The following CDKL2 variants were observed in gnomAD, a reference collection of about 807,000 sequenced individuals.
CDKL2 encodes cyclin dependent kinase like 2.
In CDKL2, 64 loss-of-function variants were observed where a neutral mutation model predicts 63.9. The ratio of observed to expected loss-of-function variants is 1.00; its 90% CI spans 0.82 to 1.23. The LOEUF (loss-of-function observed/expected upper bound fraction) is 1.23, where lower values mean the gene tolerates loss of function less well. Among genes scored for constraint, CDKL2 ranks in the 50% most tolerant of loss-of-function variants. The pLI is 0.00. For missense variants in CDKL2, 656 were observed against 668.0 expected, an observed-to-expected ratio of 0.98 and a Z score of 0.20; for synonymous variants, 211 against 229.2, an observed-to-expected ratio of 0.92 and a Z score of 0.72.
intron 11 of CDKL2, 81 bp downstream of exon 11, chr4:75,592,065 A>G: frequency 7.2e-7 from 1 of 1,390,230 alleles, no homozygotes. Context: ...GTTAGTATGA[A>G]TTTTTATTTT....
Position 75,597,205 on chromosome 4 carries a change from T to G in CDKL2, c.1052A>C (p.Tyr351Ser). The G allele has an allele frequency of 6.2e-7, 1 of 1,608,330 alleles. No individual in the cohort carries two copies. The highest frequency in any genetic ancestry group is 8.5e-7 in the Non-Finnish European group (1 of 1,175,524). ...TGAGCCTTTTATTTTAAATAGTTTATAATCCTTAATTTTGGGATCAGCATT... is the reference window on the plus strand; with the variant it reads ...TGAGCCTTTTATTTTAAATAGTTTAGAATCCTTAATTTTGGGATCAGCATT... ...DTNADPKIKD[Y>S]KLFKIKGSKI... The change falls in exon 9 of 14, where the codon TAT becomes TCT. Residue 351 changes from tyrosine to serine, a missense_variant. Tyr to Ser is a moderately radical substitution (Grantham distance 144, BLOSUM62 -2). Coordinates refer to ENST00000307465, the MANE Select transcript of CDKL2 (RefSeq NM_001330724.2).
At chr4:75,608,382 C>T (rs1388294408) in intron 3 of CDKL2, among the ~76,000 whole-genome samples, 16 of 151,940 alleles carry the variant, frequency 1.1e-4, no homozygotes, top group Non-Finnish European at 2.4e-4. Flanking sequence ...GCCTCGGCCT[C>T]CCAAAGTGCT....
rs35252668 is a variant in CDKL2 at position 75,620,938 on chromosome 4, A to AT, written c.168+4882dup. Among the ~76,000 whole-genome samples the AT allele has an allele frequency of 1.8e-4, 26 of 142,864 alleles. No homozygotes were observed. In the South Asian group the frequency reaches 2.7e-3, roughly 15 times the overall value. 93.7% of individuals were successfully genotyped at this position (142,864 alleles called of 152,430 possible). A position where few individuals can be genotyped will look rare whatever the true frequency, so the allele number is the denominator to read the frequency against. Reference sequence around the variant, plus strand: ...TGTGAAGCAACAATTATAGCTGAGCATTTTTTTTTTTTTTTGAGATGGAGT... The same window carrying AT: ...TGTGAAGCAACAATTATAGCTGAGCATTTTTTTTTTTTTTTTGAGATGGAGT... On this transcript the variant is annotated intron_variant, in intron 2 of 13. Transcript: ENST00000307465.
At chr4:75,616,276 C>A (rs1729921774) in intron 2 of CDKL2, among the ~76,000 whole-genome samples, 1 of 151,852 alleles carries the variant, frequency 6.6e-6, no homozygotes, top group Admixed American at 6.6e-5. Flanking sequence ...TGCATTCCAG[C>A]CTGGGTGGGG....
intron 3 of CDKL2, among the ~76,000 whole-genome samples, chr4:75,608,186 G>A (rs1729513847): frequency 1.4e-5 from 2 of 143,884 alleles, no homozygotes; most frequent in Admixed American, 1.4e-4. Context: ...GTGCAATGGC[G>A]CGATTTCGGC....
chr4:75,605,908 G>T (rs1729406916), intron 4 of CDKL2, among the ~76,000 whole-genome samples: 1 of 151,854 alleles, frequency 6.6e-6, no homozygotes, highest in African/African-American at 2.4e-5. Flanking sequence ...CCCATGAAAT[G>T]ATTTTTCCCT....
At chr4:75,606,274 G>A (rs66535236) in intron 4 of CDKL2, among the ~76,000 whole-genome samples, 35,710 of 150,402 alleles carry the variant, frequency 0.24, 4,585 homozygotes, top group Middle Eastern at 0.36. Flanking sequence ...GAGTGCAGTC[G>A]CGTAATCTCA....
chr4:75,619,788 A>G (rs1195101492), intron 2 of CDKL2, among the ~76,000 whole-genome samples: 10 of 152,168 alleles, frequency 6.6e-5, no homozygotes, highest in Non-Finnish European at 1.3e-4. Flanking sequence ...GTTGAGAGAC[A>G]ATAAATTGAT....
chr4:75,583,843 C>T lies in CDKL2; in HGVS notation c.1648-1945G>A, dbSNP rs78457413. Among the ~76,000 whole-genome samples the T allele has an allele frequency of 4.0e-3, 598 of 151,334 alleles. 7 individuals are homozygous for T. Among genetic ancestry groups the T allele is most frequent in the African/African-American group, 0.014 (576 of 41,182 alleles). On this transcript the variant is annotated intron_variant, in intron 12 of 13. Transcript: ENST00000307465. ...TAAAAAAAATATAAAAAGATATTGC[C>T]GAAAAAATACTGAAACTATTCAAAA...
chr4:75,620,156 T>C (rs1578351740), intron 2 of CDKL2, among the ~76,000 whole-genome samples: 2 of 152,190 alleles, frequency 1.3e-5, no homozygotes, highest in African/African-American at 4.8e-5. Context: ...ATTGCACCAC[T>C]GCACTCCAGC....
chr4:75,615,570 A>G (rs965152518), intron 2 of CDKL2, among the ~76,000 whole-genome samples: 48 of 152,240 alleles, frequency 3.2e-4, no homozygotes, highest in Non-Finnish European at 3.5e-4. Context: ...TAAAAACAAC[A>G]TGAGCATTGA....
intron 2 of CDKL2, among the ~76,000 whole-genome samples, chr4:75,617,532 C>T (rs1446565999): frequency 6.6e-6 from 1 of 152,042 alleles, no homozygotes; most frequent in African/African-American, 2.4e-5. Flanking sequence ...AACAAACCAA[C>T]AAAAATGCCC....
chr4:75,597,549 A>G (rs1728998402), intron 8 of CDKL2, among the ~76,000 whole-genome samples: 1 of 152,202 alleles, frequency 6.6e-6, no homozygotes, highest in Non-Finnish European at 1.5e-5. Context: ...TTACATATTC[A>G]GAGTCATGGA....
At chr4:75,603,483 C>T (rs1359181914) in intron 6 of CDKL2, among the ~76,000 whole-genome samples, 2 of 150,854 alleles carry the variant, frequency 1.3e-5, no homozygotes, top group East Asian at 4.0e-4. Flanking sequence ...ATAATCCCAG[C>T]ACTTTGGGAG....
At chr4:75,610,403 G>A (rs557998987) in intron 3 of CDKL2, among the ~76,000 whole-genome samples, 14 of 151,992 alleles carry the variant, frequency 9.2e-5, no homozygotes, top group African/African-American at 3.1e-4. Flanking sequence ...TAACACAATA[G>A]ATTCTAAGTA....
rs1728117844 is a variant in CDKL2, at chr4:75,578,387, G to T, written c.*815C>A. The T allele has an allele frequency of 6.6e-6, 1 of 152,192 alleles. No homozygotes were observed. The allele number at this position is 152,192 out of a possible 1,614,324, so 9.4% of individuals were successfully genotyped here. A position where few individuals can be genotyped will look rare whatever the true frequency, so the allele number is the denominator to read the frequency against. On this transcript the variant is annotated 3_prime_UTR_variant, in exon 14 of 14. Coordinates refer to ENST00000307465, the MANE Select transcript of CDKL2 (RefSeq NM_001330724.2). ...AGAGTAATCAGTCCTGATCAATTCT[G>T]TATGGAGCATTAGCACCAGAATCTT...
intron 6 of CDKL2, among the ~76,000 whole-genome samples, chr4:75,601,895 A>C (rs989644071): frequency 2.0e-5 from 3 of 152,212 alleles, no homozygotes; most frequent in Non-Finnish European, 4.4e-5. Context: ...AATTGGGTAA[A>C]TCTTATAGCC....
intron 7 of CDKL2, among the ~76,000 whole-genome samples, chr4:75,600,035 A>T (rs1213023825): frequency 6.6e-6 from 1 of 152,224 alleles, no homozygotes; most frequent in Admixed American, 6.5e-5. Context: ...AGACGTCACC[A>T]CAGGGAGACA....
intron 13 of CDKL2, among the ~76,000 whole-genome samples, chr4:75,580,813 G>A (rs1728231277): frequency 6.7e-6 from 1 of 148,212 alleles, no homozygotes; most frequent in African/African-American, 2.5e-5. Flanking sequence ...CCATTCTCCT[G>A]CCTCAGCCTC....
Sources: gnomAD v4.1 joint callset for allele counts (sites outside exome capture counted in the v4.1 genomes callset) on GRCh38, gnomAD v4.1.1 for gene constraint, MANE v1.5 for transcripts, NCBI Gene and HGNC (gene_info 2026-07-23, HGNC 2026-07-21) for gene names.